The following LRP1B variants were observed in gnomAD, a reference collection of about 807,000 sequenced individuals.
LRP1B encodes low-density lipoprotein receptor-related protein 1B.
LRP1B carries 217 observed loss-of-function variants against 556.6 expected under a neutral mutation model. The observed-to-expected ratio is 0.39, with a 90% confidence interval of 0.35 to 0.44. The LOEUF is 0.44. Ranked by LOEUF, LRP1B falls within the 20% of genes least tolerant of loss-of-function variation. The probability of loss-of-function intolerance (pLI) is 1.00; values close to 1 mark genes in which losing one functional copy is unlikely to be tolerated. For missense variants in LRP1B, 5,053 were observed against 5,620.8 expected, an observed-to-expected ratio of 0.90 and a Z score of 3.23; for synonymous variants, 2,047 against 1,865.8, an observed-to-expected ratio of 1.10 and a Z score of -2.50.
chr2:142,115,175 T>A lies in LRP1B; in HGVS notation c.82+15473A>T, dbSNP rs1346219084. The stretch of plus-strand genomic sequence containing the variant: ...TGATACTTAAGAGAGTGCATTCAGT[T>A]AGAAGTCTGTAAAATTTCAACATCC... On this transcript the variant is annotated intron_variant, in intron 1 of 90. Transcript: ENST00000389484. Among the ~76,000 whole-genome samples, 8 of 151,754 alleles carry A rather than the reference T, an allele frequency of 5.3e-5. No individual in the cohort carries two copies. The Admixed American group carries it at 5.3e-4, about 10-fold the overall frequency.
intron 7 of LRP1B, among the ~76,000 whole-genome samples, chr2:141,093,003 C>G (rs923387933): frequency 1.0e-4 from 15 of 150,174 alleles, no homozygotes; most frequent in Non-Finnish European, 1.9e-4. Flanking sequence ...AAGGAAAAAA[C>G]AAAGAGGCTG....
intron 41 of LRP1B, among the ~76,000 whole-genome samples, chr2:140,605,892 T>C (rs1682851419): frequency 6.6e-6 from 1 of 152,082 alleles, no homozygotes; most frequent in South Asian, 2.1e-4. Flanking sequence ...AGGCTCGTAT[T>C]ATATTTAGTG....
chr2:141,089,178 T>C (rs1262675674), intron 7 of LRP1B, among the ~76,000 whole-genome samples: 1 of 152,180 alleles, frequency 6.6e-6, no homozygotes, highest in African/African-American at 2.4e-5. Flanking sequence ...GCAGCAACAA[T>C]ATACACAGCC....
chr2:142,063,739 C>T (rs1705001873), intron 1 of LRP1B, among the ~76,000 whole-genome samples: 1 of 151,520 alleles, frequency 6.6e-6, no homozygotes, highest in East Asian at 1.9e-4. Flanking sequence ...TATTAACATT[C>T]CAATACTCTA....
intron 1 of LRP1B, among the ~76,000 whole-genome samples, chr2:141,896,387 CTAACT>C (rs1228569315): frequency 6.6e-6 from 1 of 152,130 alleles, no homozygotes; most frequent in Non-Finnish European, 1.5e-5. Flanking sequence ...TAAACTAACT[CTAACT>C]TAAAGTGACA....
chr2:140,840,191 C>T (rs1692056911), intron 30 of LRP1B, 106 bp from the exon 31 acceptor site: 1 of 640,122 alleles, frequency 1.6e-6, no homozygotes, highest in Non-Finnish European at 2.5e-6. Context: ...ATTCTTGACT[C>T]AGGATTAATT....
At chr2:141,119,395 T>C (rs1018902585) in intron 7 of LRP1B, among the ~76,000 whole-genome samples, 3 of 151,836 alleles carry the variant, frequency 2.0e-5, no homozygotes, top group Non-Finnish European at 4.4e-5. Flanking sequence ...TTTCAAAACA[T>C]TTGCTAGATA....
chr2:141,521,508 T>C (rs12472734), intron 2 of LRP1B, among the ~76,000 whole-genome samples: 147,511 of 151,642 alleles, frequency 0.97, 71,872 homozygotes, highest in East Asian at 1. Context: ...TCATCTTTAC[T>C]TGGAAGTAAT....
At chr2:141,101,841 G>T (rs958409019) in intron 7 of LRP1B, among the ~76,000 whole-genome samples, 3 of 151,876 alleles carry the variant, frequency 2.0e-5, no homozygotes, top group African/African-American at 4.8e-5. Context: ...CATTTGCCTT[G>T]GTATCTCTTC....
intron 11 of LRP1B, among the ~76,000 whole-genome samples, chr2:141,045,012 A>G (rs1448073247): frequency 1.3e-5 from 2 of 151,646 alleles, no homozygotes; most frequent in Non-Finnish European, 2.9e-5. Context: ...AAAGACTTGG[A>G]ACCAACCCAA....
At chr2:141,094,555 G>A (rs1443335647) in intron 7 of LRP1B, among the ~76,000 whole-genome samples, 1 of 152,106 alleles carries the variant, frequency 6.6e-6, no homozygotes, top group East Asian at 1.9e-4. Context: ...TTCGGCATAT[G>A]TTACTGACCT....
chr2:140,291,737 G>C (rs997041123), intron 84 of LRP1B, among the ~76,000 whole-genome samples: 6 of 151,990 alleles, frequency 3.9e-5, no homozygotes, highest in African/African-American at 7.3e-5. Context: ...GGTTCCAAGT[G>C]TTTGCTATTG....
At chr2:140,411,613 G>T (rs118154127) in intron 66 of LRP1B, among the ~76,000 whole-genome samples, 1 of 151,900 alleles carries the variant, frequency 6.6e-6, no homozygotes, top group Non-Finnish European at 1.5e-5. Flanking sequence ...TGACAAAACC[G>T]CAATTAGGCA....
chr2:140,716,883 G>T, intron 35 of LRP1B, 67 bp from the exon 36 acceptor site: 1 of 885,484 alleles, frequency 1.1e-6, no homozygotes. Flanking sequence ...ATCGGTGTTA[G>T]GATCATATTG....
intron 1 of LRP1B, among the ~76,000 whole-genome samples, chr2:141,887,149 C>T (rs1699149069): frequency 1.3e-5 from 2 of 152,006 alleles, no homozygotes; most frequent in African/African-American, 4.8e-5. Flanking sequence ...GCATGTGCCA[C>T]CATGCCTTGC....
intron 2 of LRP1B, among the ~76,000 whole-genome samples, chr2:141,621,478 AT>A (rs1688502749): frequency 6.6e-6 from 1 of 152,212 alleles, no homozygotes. Flanking sequence ...GGCTTGATTC[AT>A]TAAGTGAATT....
intron 1 of LRP1B, among the ~76,000 whole-genome samples, chr2:142,121,584 C>T (rs139456190): frequency 1.4e-4 from 21 of 152,234 alleles, no homozygotes; most frequent in Non-Finnish European, 1.9e-4. Context: ...TTAGTTTTAC[C>T]AAATATGTCA....
At chr2:140,916,038 A>T (rs1045583767) in intron 21 of LRP1B, among the ~76,000 whole-genome samples, 1 of 152,162 alleles carries the variant, frequency 6.6e-6, no homozygotes, top group Non-Finnish European at 1.5e-5. Flanking sequence ...AAGAAAAAAA[A>T]CAAACAAAAA....
At chr2:141,051,482 C>T (rs1922708) in intron 10 of LRP1B, among the ~76,000 whole-genome samples, 146,645 of 152,154 alleles carry the variant, frequency 0.96, 70,913 homozygotes, top group East Asian at 1. Context: ...TGCAGGGATA[C>T]AGATGAAGCT....
Sources: gnomAD v4.1 joint callset for allele counts (sites outside exome capture counted in the v4.1 genomes callset) on GRCh38, gnomAD v4.1.1 for gene constraint, MANE v1.5 for transcripts, NCBI Gene and HGNC (gene_info 2026-07-23, HGNC 2026-07-21) for gene names.